The following MTUS2 variants were observed in gnomAD, a reference collection of about 807,000 sequenced individuals.
MTUS2 encodes the protein microtubule-associated tumor suppressor candidate 2.
MTUS2 carries 40 observed loss-of-function variants against 114.1 expected under a neutral mutation model. The observed-to-expected ratio is 0.35, with a 90% confidence interval of 0.27 to 0.46. The LOEUF (loss-of-function observed/expected upper bound fraction) is 0.46, where lower values mean the gene tolerates loss of function less well. Among genes scored for constraint, MTUS2 ranks in the 20% least tolerant of loss-of-function variants. The pLI is 1.00. For missense variants in MTUS2, 1,679 were observed against 1,705.4 expected (o/e 0.98, Z 0.27); for synonymous variants, 688 against 672.0 (o/e 1.02, Z -0.37).
At chr13:28,943,828 G>C (rs866758383) in intron 2 of MTUS2, among the ~76,000 whole-genome samples, 21 of 152,238 alleles carry the variant, frequency 1.4e-4, no homozygotes, top group Middle Eastern at 3.4e-3. Context: ...TGGAGGGCAG[G>C]GAATGCCACA....
At chr13:29,471,748 C>CCCCG (rs565840294) in intron 9 of MTUS2, among the ~76,000 whole-genome samples, 2,880 of 150,198 alleles carry the variant, frequency 0.019, 127 homozygotes, top group African/African-American at 0.065. Flanking sequence ...CCCAGCCCCC[C>CCCCG]CCGACACATT....
chr13:28,998,559 G>A (rs141502548), intron 2 of MTUS2, among the ~76,000 whole-genome samples: 6,568 of 152,220 alleles, frequency 0.043, 187 homozygotes, highest in South Asian at 0.1. Flanking sequence ...TTTTCACATA[G>A]TCCCATATTT....
intron 4 of MTUS2, among the ~76,000 whole-genome samples, chr13:29,060,242 G>C (rs887412373): frequency 6.6e-6 from 1 of 152,212 alleles, no homozygotes; most frequent in African/African-American, 2.4e-5. Context: ...CCTTGGACTT[G>C]GGAGTTGCCC....
chr13:28,828,678 G>A (rs1175760457), intron 1 of MTUS2, among the ~76,000 whole-genome samples: 1 of 152,192 alleles, frequency 6.6e-6, no homozygotes, highest in Admixed American at 6.5e-5. Flanking sequence ...AGAGAGGCTA[G>A]TTGAGCACTT....
At chr13:29,412,111 G>A (rs1210954132) in intron 8 of MTUS2, among the ~76,000 whole-genome samples, 5 of 152,162 alleles carry the variant, frequency 3.3e-5, no homozygotes, top group Admixed American at 1.3e-4. Flanking sequence ...CCACTAGTAT[G>A]ATATGAATAG....
intron 5 of MTUS2, among the ~76,000 whole-genome samples, chr13:29,144,871 T>A (rs1014845084): frequency 1.3e-5 from 2 of 152,178 alleles, no homozygotes; most frequent in African/African-American, 4.8e-5. Flanking sequence ...CAATAAGAGT[T>A]AGGTAATATG....
intron 2 of MTUS2, among the ~76,000 whole-genome samples, chr13:28,896,263 A>G (rs1373400993): frequency 1.3e-5 from 2 of 152,170 alleles, no homozygotes; most frequent in Non-Finnish European, 2.9e-5. Context: ...AATAACAGAC[A>G]AACAGAGAGC....
intron 1 of MTUS2, among the ~76,000 whole-genome samples, chr13:28,838,743 T>G (rs570032649): frequency 6.6e-6 from 1 of 152,276 alleles, no homozygotes; most frequent in Non-Finnish European, 1.5e-5. Flanking sequence ...GAGTCTTATG[T>G]TGCAAGGGGG....
At chr13:29,453,284 A>C (rs1161765945) in intron 9 of MTUS2, among the ~76,000 whole-genome samples, 1 of 152,232 alleles carries the variant, frequency 6.6e-6, no homozygotes, top group African/African-American at 2.4e-5. Flanking sequence ...ATGCAAACAT[A>C]ATCGACTCAG....
At chr13:29,047,231 G>A (rs1887666040) in intron 4 of MTUS2, among the ~76,000 whole-genome samples, 2 of 152,202 alleles carry the variant, frequency 1.3e-5, no homozygotes, top group Non-Finnish European at 2.9e-5. Context: ...TTCTTCTTCT[G>A]TGAAATGGAA....
At chr13:29,332,611 G>C (rs28767489) in intron 7 of MTUS2, among the ~76,000 whole-genome samples, 27,876 of 144,304 alleles carry the variant, frequency 0.19, 2,711 homozygotes, top group Non-Finnish European at 0.22. Flanking sequence ...TTTTGAATTT[G>C]TTTGCTCTTG....
chr13:28,889,537 C>G (rs1878791942), intron 2 of MTUS2, among the ~76,000 whole-genome samples: 1 of 152,106 alleles, frequency 6.6e-6, no homozygotes, highest in Non-Finnish European at 1.5e-5. Context: ...GGGTGTGTCT[C>G]TTTTTCAAGG....
At chr13:29,215,474 GTTTT>G (rs71090232) in intron 5 of MTUS2, among the ~76,000 whole-genome samples, 76,993 of 129,952 alleles carry the variant, frequency 0.59, 22,781 homozygotes, top group Middle Eastern at 0.65. Flanking sequence ...TTTTTTTGCT[GTTTT>G]TTTTTTTTTT....
intron 2 of MTUS2, among the ~76,000 whole-genome samples, chr13:28,892,374 G>A (rs1254477469): frequency 6.6e-6 from 1 of 152,138 alleles, no homozygotes; most frequent in Non-Finnish European, 1.5e-5. Flanking sequence ...AGAAGAAAGA[G>A]ACAACCCCCT....
At chr13:29,283,748 A>G (rs2139549755) in intron 6 of MTUS2, among the ~76,000 whole-genome samples, 1 of 152,324 alleles carries the variant, frequency 6.6e-6, no homozygotes, top group South Asian at 2.1e-4. Flanking sequence ...TTGTAGAAAA[A>G]TGGGTTAGGA....
chr13:29,359,137 A>G (rs1870011797), intron 7 of MTUS2, 125 bp from the exon 8 acceptor site: 1 of 925,152 alleles, frequency 1.1e-6, no homozygotes, highest in Non-Finnish European at 1.6e-6. Flanking sequence ...ATCCTTAAAA[A>G]TGACAAACCG....
chr13:28,825,213 C>A (rs1331866331), intron 1 of MTUS2, among the ~76,000 whole-genome samples: 1 of 152,100 alleles, frequency 6.6e-6, no homozygotes, highest in East Asian at 1.9e-4. Context: ...CCAGCCTAGA[C>A]CATACCTGAA....
At chr13:29,498,218 G>T (rs1225034123) in intron 13 of MTUS2, among the ~76,000 whole-genome samples, 200 bp from the exon 14 acceptor site, 1 of 152,200 alleles carries the variant, frequency 6.6e-6, no homozygotes, top group African/African-American at 2.4e-5. Context: ...CACAGAACTG[G>T]ATTTTAGGAG....
chr13:29,090,692 G>C (rs1175429030), intron 4 of MTUS2, among the ~76,000 whole-genome samples: 1 of 152,260 alleles, frequency 6.6e-6, no homozygotes, highest in Admixed American at 6.5e-5. Context: ...AGCAGACAGG[G>C]GATGCCCATA....
Sources: allele counts gnomAD v4.1 joint callset (sites outside exome capture counted in the v4.1 genomes callset), GRCh38; gene constraint gnomAD v4.1.1; transcripts MANE v1.5; gene names NCBI Gene and HGNC (gene_info 2026-07-23, HGNC 2026-07-21).